The following PAG1 variants were observed in gnomAD, a reference collection of about 807,000 sequenced individuals.
The protein encoded by PAG1 is phosphoprotein associated with glycosphingolipid-enriched microdomains 1.
PAG1 carries 23 observed loss-of-function variants against 31.7 expected under a neutral mutation model. The ratio of observed to expected loss-of-function variants is 0.73; its 90% CI spans 0.52 to 1.03. The LOEUF is 1.03. PAG1 is among the 50% of genes least tolerant of loss of function. The pLI is 0.00. For missense variants in PAG1, 473 were observed against 540.7 expected (o/e 0.87, Z 1.24); for synonymous variants, 214 against 210.3 (o/e 1.02, Z -0.15).
At chr8:81,074,159 A>C (rs908781485) in intron 1 of PAG1, among the ~76,000 whole-genome samples, 11 of 152,222 alleles carry the variant, frequency 7.2e-5, no homozygotes, top group East Asian at 5.8e-4. Context: ...CCAGAAAAGC[A>C]GAACAATGGA....
intron 2 of PAG1, among the ~76,000 whole-genome samples, chr8:81,041,538 T>C (rs1808554889): frequency 6.6e-6 from 1 of 152,188 alleles, no homozygotes. Context: ...CATTTGTACA[T>C]TTTAGCTCTT....
chr8:81,092,076 G>A (rs1809455265), intron 1 of PAG1, among the ~76,000 whole-genome samples: 1 of 151,200 alleles, frequency 6.6e-6, no homozygotes, highest in Non-Finnish European at 1.5e-5. Flanking sequence ...ATCCAGGCTG[G>A]GTGCAATGGC....
At chr8:81,084,768 A>G (rs1809324840) in intron 1 of PAG1, among the ~76,000 whole-genome samples, 1 of 152,214 alleles carries the variant, frequency 6.6e-6, no homozygotes, top group Admixed American at 6.5e-5. Context: ...GATGTACATT[A>G]TGAGTGTCAG....
Position 80,993,325 on chromosome 8 carries a change from C to T in PAG1, c.-80-18G>A, listed in dbSNP as rs1807599014. On this transcript the variant is annotated intron_variant, in intron 3 of 8. Transcript: ENST00000220597. ...GCTGTGTCCTGCAAAGAGACCAGTGCGTTTGGAGAGTAATTCTCGGGTAAA... is the reference window on the plus strand; with the variant it reads ...GCTGTGTCCTGCAAAGAGACCAGTGTGTTTGGAGAGTAATTCTCGGGTAAA... 1.6e-6 allele frequency: 2 copies of T among 1,241,122 alleles called. No individual in the cohort carries two copies. The highest frequency in any genetic ancestry group is 2.3e-5 in the Admixed American group (1 of 44,138). 76.9% of individuals were successfully genotyped at this position (1,241,122 alleles called of 1,614,324 possible).
intron 2 of PAG1, among the ~76,000 whole-genome samples, chr8:81,042,179 T>C (rs973406875): frequency 6.6e-6 from 1 of 152,224 alleles, no homozygotes; most frequent in Non-Finnish European, 1.5e-5. Context: ...TATACTCTGC[T>C]GAGGCCATGC....
chr8:81,066,329 A>T (rs145130843), intron 2 of PAG1, among the ~76,000 whole-genome samples: 1 of 152,242 alleles, frequency 6.6e-6, no homozygotes. Flanking sequence ...TCGCAAATGC[A>T]CTTTTTCAGG....
chr8:81,043,425 T>C (rs536914900), intron 2 of PAG1, among the ~76,000 whole-genome samples: 1 of 152,356 alleles, frequency 6.6e-6, no homozygotes, highest in East Asian at 1.9e-4. Context: ...AGAGTCTTTC[T>C]TTCTTTGTTA....
chr8:80,991,777 C>T (rs73692528), intron 4 of PAG1, among the ~76,000 whole-genome samples: 4,924 of 151,518 alleles, frequency 0.032, 263 homozygotes, highest in African/African-American at 0.11. Context: ...CGGGAAAAAA[C>T]ATACAAGTTC....
chr8:81,010,802 G>T (rs1807969960), intron 3 of PAG1, among the ~76,000 whole-genome samples: 2 of 152,228 alleles, frequency 1.3e-5, no homozygotes, highest in Non-Finnish European at 2.9e-5. Flanking sequence ...TCCAGCCTCA[G>T]CTGGTTCCTT....
At chr8:81,046,410 A>G (rs960397595) in intron 2 of PAG1, among the ~76,000 whole-genome samples, 5 of 152,158 alleles carry the variant, frequency 3.3e-5, no homozygotes, top group African/African-American at 1.2e-4. Context: ...TGAAATTTCA[A>G]ACTCCTCAAT....
chr8:81,028,304 C>T (rs905763400), intron 3 of PAG1, among the ~76,000 whole-genome samples: 5 of 152,248 alleles, frequency 3.3e-5, no homozygotes, highest in African/African-American at 1.2e-4. Context: ...ATGGCTCCCT[C>T]TCACTAGCAG....
At chr8:81,035,779 A>C (rs1808452584) in intron 2 of PAG1, among the ~76,000 whole-genome samples, 1 of 152,154 alleles carries the variant, frequency 6.6e-6, no homozygotes, top group African/African-American at 2.4e-5. Context: ...GAAGAGTGGA[A>C]CAGGTCTCTT....
At chr8:81,019,801 G>A (rs1202327714) in intron 3 of PAG1, among the ~76,000 whole-genome samples, 1 of 152,178 alleles carries the variant, frequency 6.6e-6, no homozygotes, top group African/African-American at 2.4e-5. Flanking sequence ...GCCATGAGAA[G>A]AGGGCCACTG....
intron 2 of PAG1, among the ~76,000 whole-genome samples, chr8:81,036,006 G>T (rs1230169744): frequency 6.6e-6 from 1 of 152,096 alleles, no homozygotes; most frequent in Non-Finnish European, 1.5e-5. Flanking sequence ...ATGCTGCTAA[G>T]CTTCATCTCT....
chr8:81,045,307 T>A (rs532677830), intron 2 of PAG1, among the ~76,000 whole-genome samples: 1 of 152,334 alleles, frequency 6.6e-6, no homozygotes, highest in African/African-American at 2.4e-5. Flanking sequence ...CAGGTTGTTA[T>A]TTTTGATGAC....
At chr8:81,000,426 T>C (rs1019193171) in intron 3 of PAG1, among the ~76,000 whole-genome samples, 2 of 152,062 alleles carry the variant, frequency 1.3e-5, no homozygotes, top group African/African-American at 2.4e-5. Flanking sequence ...GCAAATCCTT[T>C]TTTTTTGAGA....
At chr8:81,019,753 C>A (rs1372679419) in intron 3 of PAG1, among the ~76,000 whole-genome samples, 3 of 152,142 alleles carry the variant, frequency 2.0e-5, no homozygotes, top group Non-Finnish European at 4.4e-5. Context: ...GAGTTGATAC[C>A]CCTACACAGA....
In PAG1 at chr8:80,968,834, T is replaced by G. The variant is rs1807017129; in HGVS notation, c.*7710A>C. 1 of 152,188 alleles carries G rather than the reference T, an allele frequency of 6.6e-6. No individual in the cohort carries two copies. The highest frequency in any genetic ancestry group is 1.5e-5 in the Non-Finnish European group (1 of 68,032). 9.4% of individuals were successfully genotyped at this position (152,188 alleles called of 1,614,324 possible). Reference sequence around the variant, plus strand: ...ATAATTTTTCTCATTTACACACATTTACTCAAGAGACTCAGAGTGGCAGAT... The same window carrying G: ...ATAATTTTTCTCATTTACACACATTGACTCAAGAGACTCAGAGTGGCAGAT... On this transcript the variant is annotated 3_prime_UTR_variant, in exon 9 of 9. Coordinates refer to ENST00000220597, the MANE Select transcript of PAG1 (RefSeq NM_018440.4).
intron 2 of PAG1, among the ~76,000 whole-genome samples, chr8:81,034,659 G>A (rs1482335135): frequency 6.6e-6 from 1 of 152,194 alleles, no homozygotes; most frequent in East Asian, 1.9e-4. Flanking sequence ...TGCTCCAGAG[G>A]CTTAGTGGCT....
Sources: allele counts gnomAD v4.1 joint callset (sites outside exome capture counted in the v4.1 genomes callset), GRCh38; gene constraint gnomAD v4.1.1; transcripts MANE v1.5; gene names NCBI Gene and HGNC (gene_info 2026-07-23, HGNC 2026-07-21).